The following PPARGC1A variants were observed in gnomAD, a reference collection of about 807,000 sequenced individuals.
The protein encoded by PPARGC1A is PPARG coactivator 1 alpha, also known as peroxisome proliferator-activated receptor gamma coactivator 1-alpha.
Under a neutral mutation model 88.7 loss-of-function variants are expected in PPARGC1A, and 25 were observed. That is an observed-to-expected ratio of 0.28 (90% CI 0.21 to 0.39). The LOEUF (loss-of-function observed/expected upper bound fraction) is 0.39. Ranked by LOEUF, PPARGC1A falls within the 10% of genes least tolerant of loss-of-function variation. The pLI, the probability that PPARGC1A is intolerant of heterozygous loss-of-function variation, is 1.00. For synonymous variants in PPARGC1A, 363 were observed against 355.6 expected, an observed-to-expected ratio of 1.02 and a Z score of -0.24; for missense variants, 880 against 968.7, an observed-to-expected ratio of 0.91 and a Z score of 1.22.
chr4:24,229,677 A>G, the PPARGC1A span, among the ~76,000 whole-genome samples: 1 of 151,746 alleles, frequency 6.6e-6, no homozygotes, highest in South Asian at 2.1e-4. Flanking sequence ...TACATAAAAT[A>G]AAGAATAATA....
At chr4:23,910,352 ATATATTATATATATTATAT>A in the PPARGC1A span, among the ~76,000 whole-genome samples, 8 of 83,562 alleles carry the variant, frequency 9.6e-5, no homozygotes, top group South Asian at 1.3e-3. Flanking sequence ...TATATATTAT[ATATATTATATATATTATAT>A]TATATTATAT....
chr4:24,118,353 G>GA, the PPARGC1A span, among the ~76,000 whole-genome samples: 50 of 152,118 alleles, frequency 3.3e-4, no homozygotes, highest in East Asian at 9.5e-3. Context: ...AAAATTAAAA[G>GA]AAAAAAACCC....
chr4:23,981,148 A>G, the PPARGC1A span, among the ~76,000 whole-genome samples: 847 of 152,080 alleles, frequency 5.6e-3, 36 homozygotes, highest in East Asian at 0.09. Flanking sequence ...GATCTTCCCA[A>G]TATCCTTGCA....
the PPARGC1A span, among the ~76,000 whole-genome samples, chr4:24,240,384 T>C: frequency 1.3e-5 from 2 of 152,190 alleles, no homozygotes; most frequent in Non-Finnish European, 2.9e-5. Context: ...AAGGCACCAA[T>C]AAATATCTTG....
chr4:24,443,944 A>G, the PPARGC1A span, among the ~76,000 whole-genome samples: 1 of 152,190 alleles, frequency 6.6e-6, no homozygotes, highest in Non-Finnish European at 1.5e-5. Context: ...AGTCTACTAC[A>G]CTTGCCCAAG....
At chr4:24,422,389 T>C in the PPARGC1A span, among the ~76,000 whole-genome samples, 3 of 152,226 alleles carry the variant, frequency 2.0e-5, no homozygotes, top group Admixed American at 6.5e-5. Context: ...AGAGCAGATA[T>C]ATGGCACAAT....
At chr4:24,274,066 C>A in the PPARGC1A span, among the ~76,000 whole-genome samples, 1 of 151,934 alleles carries the variant, frequency 6.6e-6, no homozygotes, top group South Asian at 2.1e-4. Context: ...TCCTGTGGGG[C>A]AGCAACTTCT....
At chr4:24,390,274 A>G in the PPARGC1A span, among the ~76,000 whole-genome samples, 2 of 152,102 alleles carry the variant, frequency 1.3e-5, no homozygotes, top group Non-Finnish European at 2.9e-5. Context: ...GAAGATCACT[A>G]TTTGAAAATA....
chr4:24,295,442 G>A, the PPARGC1A span, among the ~76,000 whole-genome samples: 2 of 152,028 alleles, frequency 1.3e-5, no homozygotes, highest in African/African-American at 4.8e-5. Flanking sequence ...ACAAAATTAA[G>A]GTAAAACAGG....
At chr4:24,447,301 G>T in the PPARGC1A span, among the ~76,000 whole-genome samples, 1 of 152,206 alleles carries the variant, frequency 6.6e-6, no homozygotes, top group African/African-American at 2.4e-5. Flanking sequence ...CCAACCAGGG[G>T]CTGAGCCAAA....
At chr4:23,833,398 T>C (rs1204721781) in intron 2 of PPARGC1A, among the ~76,000 whole-genome samples, 1 of 152,248 alleles carries the variant, frequency 6.6e-6, no homozygotes, top group Admixed American at 6.5e-5. Context: ...CAATCTGACC[T>C]GCTTCCAAAA....
At chr4:24,092,240 G>A in the PPARGC1A span, among the ~76,000 whole-genome samples, 1 of 151,930 alleles carries the variant, frequency 6.6e-6, no homozygotes, top group African/African-American at 2.4e-5. Flanking sequence ...CCCACCGTAG[G>A]CCTCAACCCC....
the PPARGC1A span, among the ~76,000 whole-genome samples, chr4:23,945,233 A>T: frequency 6.6e-6 from 1 of 152,160 alleles, no homozygotes; most frequent in African/African-American, 2.4e-5. Context: ...TTATCTTTTC[A>T]ATTATTTTAA....
the PPARGC1A span, among the ~76,000 whole-genome samples, chr4:24,090,974 AC>A: frequency 6.6e-6 from 1 of 152,220 alleles, no homozygotes; most frequent in Non-Finnish European, 1.5e-5. Flanking sequence ...CAGAGCTTCT[AC>A]CTATTATGAG....
the PPARGC1A span, among the ~76,000 whole-genome samples, chr4:23,944,071 C>G: frequency 6.6e-6 from 1 of 152,024 alleles, no homozygotes; most frequent in Non-Finnish European, 1.5e-5. Context: ...TATAGAAAAA[C>G]TAAGGAAATC....
the PPARGC1A span, among the ~76,000 whole-genome samples, chr4:24,430,276 T>TTTTTA: frequency 8.8e-6 from 1 of 113,364 alleles, no homozygotes; most frequent in Admixed American, 8.3e-5. Context: ...TTTTTTTTTT[T>TTTTTA]GAGATTGAGT....
the PPARGC1A span, among the ~76,000 whole-genome samples, chr4:24,042,999 G>A: frequency 1.3e-5 from 2 of 152,170 alleles, no homozygotes; most frequent in East Asian, 3.9e-4. Flanking sequence ...CCAAGAGAGT[G>A]CCTCAAAATT....
chr4:23,972,129 C>T, the PPARGC1A span, among the ~76,000 whole-genome samples: 3 of 152,054 alleles, frequency 2.0e-5, no homozygotes, highest in Admixed American at 2.0e-4. Flanking sequence ...AAGGCACTGA[C>T]ATTTAAAGAA....
At chr4:24,278,032 C>T in the PPARGC1A span, among the ~76,000 whole-genome samples, 2 of 151,792 alleles carry the variant, frequency 1.3e-5, no homozygotes, top group South Asian at 2.1e-4. Flanking sequence ...AAAATAAGAC[C>T]GGCGTGGTGG....
Sources: allele counts gnomAD v4.1 joint callset (sites outside exome capture counted in the v4.1 genomes callset), GRCh38; gene constraint gnomAD v4.1.1; transcripts MANE v1.5; gene names NCBI Gene and HGNC (gene_info 2026-07-23, HGNC 2026-07-21).